Variants in CNKSR3 observed in about 807,000 individuals in gnomAD.
The protein encoded by CNKSR3 is CNKSR family member 3, also known as connector enhancer of kinase suppressor of ras 3.
Under a neutral mutation model 67.7 loss-of-function variants are expected in CNKSR3, and 36 were observed. That is an observed-to-expected ratio of 0.53 (90% CI 0.41 to 0.70). The LOEUF (loss-of-function observed/expected upper bound fraction) is 0.70, where lower values mean the gene tolerates loss of function less well. CNKSR3 is among the 30% of genes least tolerant of loss of function. The pLI is 0.00. For missense variants in CNKSR3, 630 were observed against 695.2 expected, an observed-to-expected ratio of 0.91 and a Z score of 1.05; for synonymous variants, 281 against 271.4, an observed-to-expected ratio of 1.04 and a Z score of -0.35.
At chr6:154,463,901 GT>G (rs1562344772) in intron 1 of CNKSR3, among the ~76,000 whole-genome samples, 1 of 152,066 alleles carries the variant, frequency 6.6e-6, no homozygotes, top group African/African-American at 2.4e-5. Context: ...AAGGTGCTGT[GT>G]TTTTTCCCAT....
At chr6:154,481,626 C>T (rs1786568972) in intron 1 of CNKSR3, among the ~76,000 whole-genome samples, 1 of 152,190 alleles carries the variant, frequency 6.6e-6, no homozygotes, top group Non-Finnish European at 1.5e-5. Flanking sequence ...AGAATGACAT[C>T]ATCCTTTTAT....
intron 1 of CNKSR3, among the ~76,000 whole-genome samples, chr6:154,497,085 A>G (rs572725647): frequency 1.3e-5 from 2 of 152,276 alleles, no homozygotes; most frequent in East Asian, 1.9e-4. Context: ...CCCTTAAAGA[A>G]TCGTGATAAA....
chr6:154,486,705 A>T (rs1226192000), intron 1 of CNKSR3, among the ~76,000 whole-genome samples: 4 of 151,116 alleles, frequency 2.6e-5, no homozygotes, highest in African/African-American at 9.7e-5. Context: ...TGTTGGCCAG[A>T]CTGGTCTCGA....
intron 4 of CNKSR3, among the ~76,000 whole-genome samples, chr6:154,435,634 A>G (rs538709880): frequency 6.6e-6 from 1 of 152,280 alleles, no homozygotes; most frequent in South Asian, 2.1e-4. Context: ...ATGACTTCAC[A>G]TTGTTTTTTG....
intron 1 of CNKSR3, among the ~76,000 whole-genome samples, chr6:154,454,116 G>C (rs374357231): frequency 0.64 from 81,725 of 127,468 alleles, 24,878 homozygotes; most frequent in East Asian, 0.81. Context: ...GAGAGAGAGA[G>C]AGAGAGAGAG....
At chr6:154,447,224 T>C (rs763633968) in intron 2 of CNKSR3, among the ~76,000 whole-genome samples, 2 of 152,220 alleles carry the variant, frequency 1.3e-5, no homozygotes, top group Non-Finnish European at 2.9e-5. Flanking sequence ...GAAAATGTTC[T>C]TTATCTGTGC....
At position 154,473,770 on chromosome 6, in the gene CNKSR3, G is replaced by A. The variant is rs531351163; in HGVS notation, c.53-23512C>T. On this transcript the variant is annotated intron_variant, in intron 1 of 12. Coordinates refer to ENST00000607772, the MANE Select transcript of CNKSR3 (RefSeq NM_173515.4). ...TTAGACAATCACTTAATTTTCCCAT[G>A]CTCAGTTCTCTCCACTATTTTTTTT... Among the ~76,000 whole-genome samples the A allele has an allele frequency of 7.9e-5, 12 of 151,840 alleles. No homozygotes were observed. The East Asian group carries it at 1.8e-3, about 22-fold the overall frequency.
intron 1 of CNKSR3, among the ~76,000 whole-genome samples, chr6:154,458,616 A>G (rs552633329): frequency 6.6e-6 from 1 of 152,138 alleles, no homozygotes; most frequent in Non-Finnish European, 1.5e-5. Context: ...CCCTCCCTAC[A>G]GCCCCGTCCC....
At chr6:154,464,942 C>A (rs527693987) in intron 1 of CNKSR3, among the ~76,000 whole-genome samples, 4 of 151,654 alleles carry the variant, frequency 2.6e-5, no homozygotes, top group Admixed American at 6.6e-5. Flanking sequence ...GAGTTCGAGA[C>A]CAGCCTGGCC....
At chr6:154,435,613 C>T (rs1230441578) in intron 4 of CNKSR3, among the ~76,000 whole-genome samples, 1 of 152,246 alleles carries the variant, frequency 6.6e-6, no homozygotes, top group Non-Finnish European at 1.5e-5. Context: ...CGAGAGGAAG[C>T]AGCTGCAGGC....
At chr6:154,470,503 G>A (rs1204132928) in intron 1 of CNKSR3, among the ~76,000 whole-genome samples, 2 of 152,020 alleles carry the variant, frequency 1.3e-5, no homozygotes, top group Non-Finnish European at 2.9e-5. Context: ...TGATTTGCCT[G>A]TTCTGAATAT....
intron 9 of CNKSR3, among the ~76,000 whole-genome samples, chr6:154,416,103 A>G (rs1785019468): frequency 6.6e-6 from 1 of 152,174 alleles, no homozygotes; most frequent in Admixed American, 6.5e-5. Context: ...GAAAATAATG[A>G]AGCCCCGTCT....
chr6:154,468,094 T>TTG (rs398003122), intron 1 of CNKSR3, among the ~76,000 whole-genome samples: 3 of 140,834 alleles, frequency 2.1e-5, no homozygotes, highest in Non-Finnish European at 4.6e-5. Context: ...TTTTTTTTTT[T>TTG]GAGACAGGGT....
chr6:154,434,704 A>G (rs1785435288), intron 4 of CNKSR3, among the ~76,000 whole-genome samples: 1 of 152,250 alleles, frequency 6.6e-6, no homozygotes, highest in Non-Finnish European at 1.5e-5. Context: ...AAAGACTTAA[A>G]AAAAATAAAT....
intron 1 of CNKSR3, among the ~76,000 whole-genome samples, chr6:154,472,551 C>T (rs1248351723): frequency 8.6e-5 from 13 of 152,032 alleles, no homozygotes; most frequent in African/African-American, 1.9e-4. Context: ...TAGCACATCT[C>T]GCTATGTAGT....
At chr6:154,416,174 G>A (rs1291141279) in intron 9 of CNKSR3, among the ~76,000 whole-genome samples, 1 of 152,192 alleles carries the variant, frequency 6.6e-6, no homozygotes, top group African/African-American at 2.4e-5. Context: ...CAGCCTGGTT[G>A]TAATGGAAGA....
chr6:154,445,984 G>T lies in CNKSR3; in HGVS notation c.217-3694C>A, dbSNP rs1467626256. Reference sequence around the variant, plus strand: ...ATTATTGACTTAAGTGCCCCATAAAGACCGAAAATAAATAATTTCTCAGAC... The same window carrying T: ...ATTATTGACTTAAGTGCCCCATAAATACCGAAAATAAATAATTTCTCAGAC... On this transcript the variant is annotated intron_variant, in intron 2 of 12. Transcript: ENST00000607772. 2.6e-5 allele frequency among the ~76,000 whole-genome samples: 4 copies of T among 152,110 alleles called. No individual in the cohort carries two copies. In the East Asian group the frequency reaches 7.7e-4, roughly 29 times the overall value.
At chr6:154,476,412 G>A (rs62432717) in intron 1 of CNKSR3, among the ~76,000 whole-genome samples, 3,800 of 150,106 alleles carry the variant, frequency 0.025, 65 homozygotes, top group Middle Eastern at 0.051. Context: ...AGCCGAGATC[G>A]TGCCATTGCA....
intron 4 of CNKSR3, 41 bp from the exon 5 acceptor site, chr6:154,433,548 G>T: frequency 1.4e-6 from 2 of 1,462,162 alleles, no homozygotes; most frequent in Non-Finnish European, 1.9e-6. Flanking sequence ...AAGTACAAGA[G>T]TTAAAAACGT....
Sources: gnomAD v4.1 joint callset for allele counts (sites outside exome capture counted in the v4.1 genomes callset) on GRCh38, gnomAD v4.1.1 for gene constraint, MANE v1.5 for transcripts, NCBI Gene and HGNC (gene_info 2026-07-23, HGNC 2026-07-21) for gene names.